Variants in C1orf74 observed in about 807,000 individuals in gnomAD.
C1orf74 encodes UPF0739 protein C1orf74.
C1orf74 carries 5 observed loss-of-function variants against 7.3 expected under a neutral mutation model. That is an observed-to-expected ratio of 0.68 (90% CI 0.36 to 1.44). The LOEUF (loss-of-function observed/expected upper bound fraction) is 1.44. Among genes scored for constraint, C1orf74 ranks in the 40% most tolerant of loss-of-function variants. The pLI is 0.04. For synonymous variants in C1orf74, 121 were observed against 132.5 expected (o/e 0.91, Z 0.59); for missense variants, 291 against 314.3 (o/e 0.93, Z 0.56).
chr1:209,781,909 CAAAATGGGAGACAGAGT>C lies in C1orf74; in HGVS notation c.*899_*915del, dbSNP rs778276211. ...AGTGGTTTTATCCCAAGACAGGTGA[CAAAATGGGAGACAGAGT>C]AAAAAGCTTTTTCTCCACCACCAAC... On this transcript the variant is annotated 3_prime_UTR_variant, in exon 2 of 2. Coordinates refer to ENST00000294811, the MANE Select transcript of C1orf74 (RefSeq NM_152485.4). The C allele has an allele frequency of 4.3e-4, 273 of 632,594 alleles. No homozygotes were observed. The highest frequency in any genetic ancestry group is 6.7e-4 in the Non-Finnish European group (239 of 358,196). 39.2% of individuals were successfully genotyped at this position (632,594 alleles called of 1,614,324 possible).
chr1:209,781,851 G>C lies in C1orf74; in HGVS notation c.*974C>G. 1.7e-6 allele frequency: 1 copy of C among 574,062 alleles called. No homozygotes were observed. Among genetic ancestry groups the C allele is most frequent in the Non-Finnish European group, 3.1e-6 (1 of 320,682 alleles). The allele number at this position is 574,062 out of a possible 1,614,324, so 35.6% of individuals were successfully genotyped here. A position where few individuals can be genotyped will look rare whatever the true frequency, so the allele number is the denominator to read the frequency against. ...GTATTTATATATCTGGTCCCTGATG[G>C]ATACGGCTCCCTGGGCCAGAGAACA... is the stretch of plus-strand genomic sequence containing the variant. On this transcript the variant is annotated 3_prime_UTR_variant, in exon 2 of 2. Transcript: ENST00000294811.
In C1orf74 at chr1:209,783,679, G is replaced by A. The variant is rs779969357; in HGVS notation, c.-45C>T. 6.8e-7 allele frequency: 1 copy of A among 1,476,036 alleles called. No individual in the cohort carries two copies. Among genetic ancestry groups the A allele is most frequent in the Admixed American group, 2.2e-5 (1 of 45,720 alleles). 91.4% of individuals were successfully genotyped at this position (1,476,036 alleles called of 1,614,324 possible). A position where few individuals can be genotyped will look rare whatever the true frequency, so the allele number is the denominator to read the frequency against. On this transcript the variant is annotated 5_prime_UTR_variant, in exon 2 of 2. Coordinates refer to ENST00000294811, the MANE Select transcript of C1orf74 (RefSeq NM_152485.4). ...TAGCCCGAGTTCCCTTCCCTGGGTG[G>A]CATCTTTCAGCCAGACACTTGAGGA... is the stretch of plus-strand genomic sequence containing the variant.
rs771675397 is a variant in C1orf74, at chr1:209,782,122, GC to G, written c.*702del. 1 of 1,614,014 alleles carries G rather than the reference GC, an allele frequency of 6.2e-7. No individual in the cohort carries two copies. Among genetic ancestry groups the G allele is most frequent in the African/African-American group, 1.3e-5 (1 of 74,910 alleles). On this transcript the variant is annotated 3_prime_UTR_variant, in exon 2 of 2. Transcript: ENST00000294811. The stretch of plus-strand genomic sequence containing the variant: ...TGCTGCAGCACTGGCAGTGTTCCTG[GC>G]CAATAAAGACAACCTGATGATCTGA...
intron 1 of C1orf74, 109 bp downstream of exon 1, chr1:209,784,269 T>A (rs757758651): frequency 1.3e-5 from 2 of 152,352 alleles, no homozygotes; most frequent in African/African-American, 4.8e-5. Context: ...CTTCCCTTTC[T>A]GTCCGACATC....
rs374219691 is a variant in C1orf74 at position 209,780,544 on chromosome 1, G to C, written c.*2281C>G. 21 of 1,602,524 alleles carry C rather than the reference G, an allele frequency of 1.3e-5. 1 individual carries two copies. The highest frequency in any genetic ancestry group is 1.5e-5 in the Non-Finnish European group (18 of 1,174,156). The stretch of plus-strand genomic sequence containing the variant: ...GCCTGAGGGTACAGGGAAGGAGAAA[G>C]ACTGGGATCTCAGAGACCAGCTGCA... On this transcript the variant is annotated 3_prime_UTR_variant, in exon 2 of 2. Coordinates refer to ENST00000294811, the MANE Select transcript of C1orf74 (RefSeq NM_152485.4).
chr1:209,782,153 T>C lies in C1orf74; in HGVS notation c.*672A>G. ...AAAGACAACCTGATGATCTGAATAA[T>C]TTGTGACAACTGCCTTGGGTGAAAA... On this transcript the variant is annotated 3_prime_UTR_variant, in exon 2 of 2. Coordinates refer to ENST00000294811, the MANE Select transcript of C1orf74 (RefSeq NM_152485.4). The C allele has an allele frequency of 6.2e-7, 1 of 1,612,258 alleles. No individual in the cohort carries two copies. Among genetic ancestry groups the C allele is most frequent in the Non-Finnish European group, 8.5e-7 (1 of 1,178,274 alleles).
chr1:209,783,507 A>C lies in C1orf74; in HGVS notation c.128T>G (p.Val43Gly). 6 of 1,614,120 alleles carry C rather than the reference A, an allele frequency of 3.7e-6. No individual in the cohort carries two copies. Among genetic ancestry groups the C allele is most frequent in the Non-Finnish European group, 5.1e-6 (6 of 1,180,008 alleles). Residue 43 changes from valine (V) to glycine (G), a missense_variant, in exon 2 of 2, where the codon GTG (valine) becomes GGG (glycine). Coordinates refer to ENST00000294811, the MANE Select transcript of C1orf74 (RefSeq NM_152485.4). ...QAICLHLAGE[V>G]LAVARGLKPA... is the part of the protein sequence containing the mutation. ...CTTCAGTCCCCGGGCCACAGCCAGC[A>C]CCTCTCCAGCTAAGTGAAGGCAGAT... is the stretch of plus-strand genomic sequence containing the variant.
chr1:209,782,785 T>A lies in C1orf74; in HGVS notation c.*40A>T, dbSNP rs2077804580. ...TTTGCCATCCCCAACCTAGAGATGA[T>A]CATTTACTGAGTACCTTCTATATGG... On this transcript the variant is annotated 3_prime_UTR_variant, in exon 2 of 2. Coordinates refer to ENST00000294811, the MANE Select transcript of C1orf74 (RefSeq NM_152485.4). The A allele has an allele frequency of 6.3e-7, 1 of 1,581,312 alleles. No individual in the cohort carries two copies. Among genetic ancestry groups the A allele is most frequent in the Non-Finnish European group, 8.6e-7 (1 of 1,157,934 alleles).
At position 209,779,463 on chromosome 1, in the gene C1orf74, G is replaced by C. The variant is rs1257620452; in HGVS notation, c.*3362C>G. 2.7e-6 allele frequency: 3 copies of C among 1,112,454 alleles called. No individual in the cohort carries two copies. Among genetic ancestry groups the C allele is most frequent in the East Asian group, 2.4e-5 (1 of 41,454 alleles). 68.9% of individuals were successfully genotyped at this position (1,112,454 alleles called of 1,614,324 possible). On this transcript the variant is annotated 3_prime_UTR_variant, in exon 2 of 2. Transcript: ENST00000294811. ...GGGATGGACTACATGACCTCCTGGAGTCCCAGCCAGTTCTGGGAGTCTGTT... is the reference window on the plus strand; with the variant it reads ...GGGATGGACTACATGACCTCCTGGACTCCCAGCCAGTTCTGGGAGTCTGTT...
At position 209,779,872 on chromosome 1, in the gene C1orf74, A is replaced by G. The variant is rs1037587698; in HGVS notation, c.*2953T>C. ...TCTCTTCACAATCATTGGGCATAAT[A>G]TAATAGATAAGGCAGAAATTTTTAT... On this transcript the variant is annotated 3_prime_UTR_variant, in exon 2 of 2. Transcript: ENST00000294811. 1 of 210,250 alleles carries G rather than the reference A, an allele frequency of 4.8e-6. No homozygotes were observed. The highest frequency in any genetic ancestry group is 9.6e-6 in the Non-Finnish European group (1 of 104,000). 13.0% of individuals were successfully genotyped at this position (210,250 alleles called of 1,614,324 possible). A position where few individuals can be genotyped will look rare whatever the true frequency, so the allele number is the denominator to read the frequency against.
Position 209,779,209 on chromosome 1 carries a change from C to A in C1orf74, c.*3616G>T. ...CTGGGGGACAAAATTCAACACACAG[C>A]AGATGGGAACATATTTAATAACCAA... On this transcript the variant is annotated 3_prime_UTR_variant, in exon 2 of 2. Coordinates refer to ENST00000294811, the MANE Select transcript of C1orf74 (RefSeq NM_152485.4). 1.2e-6 allele frequency: 1 copy of A among 825,044 alleles called. No homozygotes were observed. The highest frequency in any genetic ancestry group is 2.0e-6 in the Non-Finnish European group (1 of 512,548). The allele number at this position is 825,044 out of a possible 1,614,324, so 51.1% of individuals were successfully genotyped here.
chr1:209,781,481 T>A lies in C1orf74; in HGVS notation c.*1344A>T, dbSNP rs76759084. 2.3e-3 allele frequency: 3,521 copies of A among 1,558,936 alleles called. 64 individuals are homozygous for A. In the African/African-American group the frequency reaches 0.041, roughly 18 times the overall value. ...AGAGTAAGAGGGTCTCTCCTTCCCA[T>A]AAAGCCCTGGATGATGGGACGATTC... On this transcript the variant is annotated 3_prime_UTR_variant, in exon 2 of 2. Transcript: ENST00000294811.
chr1:209,782,705 C>T lies in C1orf74; in HGVS notation c.*120G>A, dbSNP rs796855616. ...TTTGCATTTGTGGCCAACTGATCTA[C>T]AGCATTGTGCCTTAGTGTATTCAAG... On this transcript the variant is annotated 3_prime_UTR_variant, in exon 2 of 2. Coordinates refer to ENST00000294811, the MANE Select transcript of C1orf74 (RefSeq NM_152485.4). 9.5e-7 allele frequency: 1 copy of T among 1,052,206 alleles called. No individual in the cohort carries two copies. Among genetic ancestry groups the T allele is most frequent in the Non-Finnish European group, 1.4e-6 (1 of 719,890 alleles). 65.2% of individuals were successfully genotyped at this position (1,052,206 alleles called of 1,614,324 possible).
chr1:209,782,868 C>T lies in C1orf74; in HGVS notation c.767G>A (p.Ser256Asn). 1 of 1,614,046 alleles carries T rather than the reference C, an allele frequency of 6.2e-7. No individual in the cohort carries two copies. The highest frequency in any genetic ancestry group is 8.5e-7 in the Non-Finnish European group (1 of 1,179,998). ...CAGTGTGACTATCTCAGAGGAGATG[C>T]TGAGATCAGCAAAGTCATTCTGAGT... ...FRTQNDFADL[S>N]ISSEIVTLPA... Residue 256 changes from serine to asparagine, a missense_variant, in exon 2 of 2, where the codon AGC becomes AAC. Physicochemically the swap from Ser to Asn is conservative, Grantham distance 46. Transcript: ENST00000294811.
In C1orf74 at chr1:209,782,748, T is replaced by G; in HGVS notation, c.*77A>C. The G allele has an allele frequency of 7.1e-7, 1 of 1,417,330 alleles. No homozygotes were observed. Among genetic ancestry groups the G allele is most frequent in the Admixed American group, 1.9e-5 (1 of 53,760 alleles). The allele number at this position is 1,417,330 out of a possible 1,614,324, so 87.8% of individuals were successfully genotyped here. ...TATTCAAGACACTTGGAATTGGCAG[T>G]TGAGATGATTATTTGCCATCCCCAA... On this transcript the variant is annotated 3_prime_UTR_variant, in exon 2 of 2. Coordinates refer to ENST00000294811, the MANE Select transcript of C1orf74 (RefSeq NM_152485.4).
rs2077729857 is a variant in C1orf74, at chr1:209,779,430, G to A, written c.*3395C>T. 8.7e-6 allele frequency: 13 copies of A among 1,494,362 alleles called. No individual in the cohort carries two copies. Among genetic ancestry groups the A allele is most frequent in the Non-Finnish European group, 1.2e-5 (13 of 1,071,918 alleles). The allele number at this position is 1,494,362 out of a possible 1,614,324, so 92.6% of individuals were successfully genotyped here. A position where few individuals can be genotyped will look rare whatever the true frequency, so the allele number is the denominator to read the frequency against. On this transcript the variant is annotated 3_prime_UTR_variant, in exon 2 of 2. Transcript: ENST00000294811. ...ATATTGCTCTTCTCTTACCTGCCTA[G>A]AGGCAGCGGGATGGACTACATGACC...
rs1417279416 is a variant in C1orf74 at position 209,781,395 on chromosome 1, C to T, written c.*1430G>A. On this transcript the variant is annotated 3_prime_UTR_variant, in exon 2 of 2. Coordinates refer to ENST00000294811, the MANE Select transcript of C1orf74 (RefSeq NM_152485.4). The stretch of plus-strand genomic sequence containing the variant: ...ACAACCTCAGTGACGAGTATCTCTC[C>T]TGCCTGCGTAAGCTGCAGCACTGTC... 1.9e-6 allele frequency: 3 copies of T among 1,613,784 alleles called. No individual in the cohort carries two copies. The South Asian group carries it at 3.3e-5, about 18-fold the overall frequency.
chr1:209,780,375 C>T lies in C1orf74; in HGVS notation c.*2450G>A. The T allele has an allele frequency of 8.0e-7, 1 of 1,247,954 alleles. No individual in the cohort carries two copies. 77.3% of individuals were successfully genotyped at this position (1,247,954 alleles called of 1,614,324 possible). A position where few individuals can be genotyped will look rare whatever the true frequency, so the allele number is the denominator to read the frequency against. On this transcript the variant is annotated 3_prime_UTR_variant, in exon 2 of 2. Transcript: ENST00000294811. ...AGCCAAGAGCACGCCCTCCCAAGTT[C>T]CCTCCCCTCTCCCCACTCCTAGTGG... is the stretch of plus-strand genomic sequence containing the variant.
In C1orf74 at chr1:209,782,427, G is replaced by T; in HGVS notation, c.*398C>A. Reference sequence around the variant, plus strand: ...AATTCAGTTGGAGGCATATAAACATGCAGAAAAGCCCCCAGCCCTACTTTC... The same window carrying T: ...AATTCAGTTGGAGGCATATAAACATTCAGAAAAGCCCCCAGCCCTACTTTC... On this transcript the variant is annotated 3_prime_UTR_variant, in exon 2 of 2. Coordinates refer to ENST00000294811, the MANE Select transcript of C1orf74 (RefSeq NM_152485.4). The T allele has an allele frequency of 2.1e-6, 1 of 476,356 alleles. No individual in the cohort carries two copies. Among genetic ancestry groups the T allele is most frequent in the Non-Finnish European group, 3.8e-6 (1 of 263,524 alleles). 29.5% of individuals were successfully genotyped at this position (476,356 alleles called of 1,614,324 possible).
Sources: allele counts gnomAD v4.1 joint callset, GRCh38; gene constraint gnomAD v4.1.1; transcripts MANE v1.5; gene names NCBI Gene and HGNC (gene_info 2026-07-23, HGNC 2026-07-21).